Variants in DAB1 observed in about 807,000 individuals in gnomAD.
DAB1 encodes the protein DAB adaptor protein 1, also known as disabled homolog 1.
Under a neutral mutation model 64.6 loss-of-function variants are expected in DAB1, and 15 were observed. The observed-to-expected ratio is 0.23, with a 90% CI of 0.16 to 0.36. The LOEUF is 0.36. Ranked by LOEUF, DAB1 falls within the 10% of genes least tolerant of loss-of-function variation. The pLI, the probability that DAB1 is intolerant of heterozygous loss-of-function variation, is 1.00. For missense variants in DAB1, 596 were observed against 706.7 expected (o/e 0.84, Z 1.78); for synonymous variants, 235 against 251.9 (o/e 0.93, Z 0.64).
chr1:57,056,879 A>G (rs1649826762), intron 9 of DAB1, among the ~76,000 whole-genome samples: 3 of 152,252 alleles, frequency 2.0e-5, no homozygotes, highest in East Asian at 3.9e-4. Context: ...AAAAAAAAAA[A>G]GTTCGGTAGA....
chr1:57,097,087 C>T (rs1258479898), intron 4 of DAB1, among the ~76,000 whole-genome samples: 1 of 151,994 alleles, frequency 6.6e-6, no homozygotes, highest in African/African-American at 2.4e-5. Flanking sequence ...ATGAGTGTTG[C>T]TAAACAAATA....
intron 1 of DAB1, among the ~76,000 whole-genome samples, chr1:57,340,260 C>T (rs1438953761): frequency 6.6e-6 from 1 of 152,186 alleles, no homozygotes; most frequent in Non-Finnish European, 1.5e-5. Flanking sequence ...TCTGGAAATC[C>T]TAATACAGAA....
intron 1 of DAB1, among the ~76,000 whole-genome samples, chr1:57,328,993 T>C (rs1428339065): frequency 1.3e-5 from 2 of 152,210 alleles, no homozygotes; most frequent in African/African-American, 4.8e-5. Flanking sequence ...GAAAAATTAT[T>C]AATGTTGACA....
chr1:58,039,399 C>A lies in DAB1; in HGVS notation n.387+111112G>T, dbSNP rs190046752. 4.6e-5 allele frequency among the ~76,000 whole-genome samples: 7 copies of A among 152,318 alleles called. No individual in the cohort carries two copies. The East Asian group carries it at 7.7e-4, about 17-fold the overall frequency. On this transcript the variant is annotated intron_variant and non_coding_transcript_variant, in intron 5 of 20. Coordinates refer to the DAB1 transcript ENST00000485760. ...TAAAGGCTCTTGATCAGGGTCCTGCCTTCCCTCTACCTCCTGAGCAATCCT... is the reference window on the plus strand; with the variant it reads ...TAAAGGCTCTTGATCAGGGTCCTGCATTCCCTCTACCTCCTGAGCAATCCT...
intron 3 of DAB1, among the ~76,000 whole-genome samples, chr1:58,418,480 T>C (rs1644742780): frequency 6.6e-6 from 1 of 152,122 alleles, no homozygotes; most frequent in East Asian, 1.9e-4. Flanking sequence ...TATACATATA[T>C]GTATGTATGC....
intron 5 of DAB1, among the ~76,000 whole-genome samples, chr1:58,053,402 G>T (rs1030083783): frequency 6.6e-6 from 1 of 152,124 alleles, no homozygotes; most frequent in Non-Finnish European, 1.5e-5. Flanking sequence ...TGCAGAGATG[G>T]CATGGTGAAA....
intron 5 of DAB1, among the ~76,000 whole-genome samples, chr1:58,080,588 C>T (rs1557641627): frequency 6.6e-6 from 1 of 152,198 alleles, no homozygotes. Context: ...AGTAAATCAA[C>T]TTGAAGCTCC....
chr1:58,460,171 A>ACAAAAGCCAC lies in DAB1; in HGVS notation n.257+45888_257+45889insGTGGCTTTTG, dbSNP rs578027236. 1.8e-3 allele frequency among the ~76,000 whole-genome samples: 281 copies of ACAAAAGCCAC among 152,296 alleles called. 4 individuals are homozygous for ACAAAAGCCAC. The South Asian group carries it at 0.054, about 29-fold the overall frequency. On this transcript the variant is annotated intron_variant and non_coding_transcript_variant, in intron 3 of 20. Transcript: ENST00000485760. ...TGGATGACTCCACAAGAGTTGAAGC[A>ACAAAAGCCAC]CAAAGTCTAGGCATATATATATACC...
At chr1:57,894,192 T>G (rs1322652955) in intron 5 of DAB1, among the ~76,000 whole-genome samples, 1 of 152,186 alleles carries the variant, frequency 6.6e-6, no homozygotes, top group Non-Finnish European at 1.5e-5. Flanking sequence ...CTCTTCCAAG[T>G]GTACTTTCCT....
intron 7 of DAB1, among the ~76,000 whole-genome samples, chr1:57,601,771 G>A (rs1243510988): frequency 1.3e-5 from 2 of 152,038 alleles, no homozygotes; most frequent in African/African-American, 2.4e-5. Context: ...GTTATTTGTT[G>A]TTTTTCTTAT....
chr1:58,468,247 C>T (rs917135833), intron 3 of DAB1: 2 of 152,208 alleles, frequency 1.3e-5, no homozygotes, highest in Non-Finnish European at 2.9e-5. Flanking sequence ...ATGCTTTTGT[C>T]ACATATGTAC....
At chr1:58,223,342 C>A (rs538790485) in intron 4 of DAB1, among the ~76,000 whole-genome samples, 58 of 152,272 alleles carry the variant, frequency 3.8e-4, no homozygotes, top group Non-Finnish European at 6.5e-4. Flanking sequence ...TTTCTCTCAG[C>A]CAGGACCAAA....
intron 5 of DAB1, among the ~76,000 whole-genome samples, chr1:58,067,461 C>T (rs1020489868): frequency 6.6e-6 from 1 of 152,158 alleles, no homozygotes; most frequent in Non-Finnish European, 1.5e-5. Flanking sequence ...TGTGGTTAAG[C>T]ATTAATGTGT....
At chr1:57,000,603 GTA>G in intron 14 of DAB1, among the ~76,000 whole-genome samples, 2 of 152,298 alleles carry the variant, frequency 1.3e-5, no homozygotes, top group South Asian at 4.1e-4. Flanking sequence ...GGCTAAACAT[GTA>G]ACTTTATTGT....
intron 4 of DAB1, among the ~76,000 whole-genome samples, chr1:58,197,293 T>G (rs572585949): frequency 6.6e-6 from 1 of 152,152 alleles, no homozygotes; most frequent in Admixed American, 6.5e-5. Flanking sequence ...AAGATGGATA[T>G]AGCAGATATG....
intron 3 of DAB1, among the ~76,000 whole-genome samples, chr1:58,448,835 A>G (rs1323338166): frequency 6.6e-6 from 1 of 152,236 alleles, no homozygotes; most frequent in South Asian, 2.1e-4. Context: ...TGGACTGCAC[A>G]GCTGCCTTGG....
At chr1:58,153,376 G>C (rs1005342810) in intron 4 of DAB1, among the ~76,000 whole-genome samples, 3 of 152,172 alleles carry the variant, frequency 2.0e-5, no homozygotes, top group African/African-American at 4.8e-5. Flanking sequence ...CACAGATCAT[G>C]ATGAGCAGGT....
chr1:57,529,435 T>C (rs941357776), intron 7 of DAB1, among the ~76,000 whole-genome samples: 6 of 152,112 alleles, frequency 3.9e-5, no homozygotes, highest in African/African-American at 1.4e-4. Flanking sequence ...GCAAAGATTG[T>C]CTGACTGGAT....
intron 9 of DAB1, among the ~76,000 whole-genome samples, chr1:57,043,312 T>A (rs1648033503): frequency 6.6e-6 from 1 of 152,230 alleles, no homozygotes. Flanking sequence ...TTCCAGTCTC[T>A]ATAAAGGCCA....
Sources: gnomAD v4.1 joint callset for allele counts (sites outside exome capture counted in the v4.1 genomes callset) on GRCh38, gnomAD v4.1.1 for gene constraint, MANE v1.5 for transcripts, NCBI Gene and HGNC (gene_info 2026-07-23, HGNC 2026-07-21) for gene names.